CCNH: variants seen among roughly 807,000 people sequenced by gnomAD.
The protein encoded by CCNH is cyclin-H.
Under a neutral mutation model 41.9 loss-of-function variants are expected in CCNH, and 31 were observed. That is an observed-to-expected ratio of 0.74 (90% CI 0.56 to 1.00). The LOEUF (loss-of-function observed/expected upper bound fraction) is 1.00. CCNH is among the 50% of genes least tolerant of loss of function. The probability of loss-of-function intolerance (pLI) is 0.00; values close to 1 mark genes in which losing one functional copy is unlikely to be tolerated. For synonymous variants in CCNH, 138 were observed against 136.1 expected, an observed-to-expected ratio of 1.01 and a Z score of -0.10; for missense variants, 362 against 388.4, an observed-to-expected ratio of 0.93 and a Z score of 0.57.
At position 87,412,358 on chromosome 5, in the gene CCNH, T is replaced by C. The variant is rs1040485023; in HGVS notation, c.117+320A>G. ...TTCCCATTTTCTCCGCATTGGCTAC[T>C]GGGAAAAACCTTCCCCAACATCATC... is the stretch of plus-strand genomic sequence containing the variant. On this transcript the variant is annotated intron_variant, in intron 1 of 8. Transcript: ENST00000256897. 52 of 1,065,940 alleles carry C rather than the reference T, an allele frequency of 4.9e-5. 1 individual carries two copies. In the Middle Eastern group the frequency reaches 1.3e-3, roughly 26 times the overall value. 66.0% of individuals were successfully genotyped at this position (1,065,940 alleles called of 1,614,324 possible).
At chr5:87,412,412 C>G (rs1736775413) in intron 1 of CCNH, 6 of 1,239,598 alleles carry the variant, frequency 4.8e-6, no homozygotes, top group Non-Finnish European at 6.1e-6. Flanking sequence ...TCTTGCCACG[C>G]ACTACCTTAG....
chr5:87,393,678 T>A (rs996475311), downstream of CCNH: 2 of 152,162 alleles, frequency 1.3e-5, no homozygotes, highest in African/African-American at 4.8e-5. Context: ...ATAGGTTAAT[T>A]ATAAGGCTGT....
intron 1 of CCNH, among the ~76,000 whole-genome samples, chr5:87,411,802 T>A (rs3093780): frequency 5.7e-4 from 87 of 152,362 alleles, no homozygotes; most frequent in African/African-American, 2.1e-3. Flanking sequence ...GGTGATTTTT[T>A]TAAGGCAGCC....
intron 9 of CCNH, among the ~76,000 whole-genome samples, chr5:87,338,517 A>T (rs1251397203): frequency 5.0e-5 from 5 of 99,296 alleles, no homozygotes; most frequent in Middle Eastern, 5.3e-3. Flanking sequence ...ATATATATAT[A>T]TATATATATA....
At chr5:87,384,883 AAAT>A (rs1007390736) in intron 9 of CCNH, among the ~76,000 whole-genome samples, 9 of 152,086 alleles carry the variant, frequency 5.9e-5, no homozygotes, top group African/African-American at 2.2e-4. Context: ...TTTGGACTGC[AAAT>A]AATGTTGGGA....
rs189633489 is a variant in CCNH, at chr5:87,358,318, T to G, written c.*90+34452A>C. Among the ~76,000 whole-genome samples, 245 of 151,562 alleles carry G rather than the reference T, an allele frequency of 1.6e-3. 3 individuals carry two copies. The highest frequency in any genetic ancestry group is 7.1e-3 in the Admixed American group (108 of 15,284). ...TTTGAGCACTATATTTTAAGCACTG[T>G]TTTTTATACATATTCATTCATTTAA... On this transcript the variant is annotated intron_variant and NMD_transcript_variant, in intron 9 of 9. Transcript: ENST00000645953.
At chr5:87,329,803 C>T (rs1259276569) in intron 9 of CCNH, among the ~76,000 whole-genome samples, 2 of 151,982 alleles carry the variant, frequency 1.3e-5, no homozygotes, top group Non-Finnish European at 2.9e-5. Context: ...TAAGGATATC[C>T]CATATATTTT....
chr5:87,394,600 A>C, intron 8 of CCNH, 116 bp from the exon 9 acceptor site: 1 of 1,526,018 alleles, frequency 6.6e-7, no homozygotes, highest in Non-Finnish European at 8.8e-7. Flanking sequence ...ATTACAAAAG[A>C]TAAACCAGGA....
chr5:87,398,726 T>A (rs1763153648), intron 7 of CCNH, among the ~76,000 whole-genome samples: 1 of 152,014 alleles, frequency 6.6e-6, no homozygotes, highest in Non-Finnish European at 1.5e-5. Flanking sequence ...CTGAAAGAAG[T>A]ATGCCGGGAG....
At chr5:87,338,149 C>G (rs775998993) in intron 9 of CCNH, 1 of 1,604,404 alleles carries the variant, frequency 6.2e-7, no homozygotes, top group East Asian at 2.3e-5. Context: ...AAATTTGGAT[C>G]TTGTCCGTAA....
downstream of CCNH, among the ~76,000 whole-genome samples, chr5:87,388,030 T>C (rs1410590035): frequency 1.3e-5 from 2 of 152,226 alleles, no homozygotes; most frequent in East Asian, 3.8e-4. Context: ...ACCTCAATTA[T>C]TATCTCCTTC....
chr5:87,377,262 A>G, upstream of CCNH: 1 of 557,560 alleles, frequency 1.8e-6, no homozygotes, highest in Non-Finnish European at 3.2e-6. Flanking sequence ...GATAAGTACT[A>G]GAAGCCACAA....
chr5:87,333,205 C>T (rs1757722130), intron 9 of CCNH: 4 of 1,588,788 alleles, frequency 2.5e-6, no homozygotes, highest in Non-Finnish European at 3.4e-6. Flanking sequence ...GTGGATATAC[C>T]TCTTTTGACT....
rs1045126721 is a variant in CCNH at position 87,394,391 on chromosome 5, G to A, written c.*55C>T. ...ACTTTTTAAATAAAGTTAAACGTTT[G>A]ATATGCTTCCTACTTCTCTTGATTA... is the stretch of plus-strand genomic sequence containing the variant. On this transcript the variant is annotated 3_prime_UTR_variant, in exon 9 of 9. Transcript: ENST00000256897. The A allele has an allele frequency of 2.5e-6, 4 of 1,581,066 alleles. No homozygotes were observed. The highest frequency in any genetic ancestry group is 1.4e-5 in the African/African-American group (1 of 73,628).
chr5:87,347,152 T>C (rs1483848154), intron 9 of CCNH, among the ~76,000 whole-genome samples: 1 of 152,048 alleles, frequency 6.6e-6, no homozygotes, highest in African/African-American at 2.4e-5. Flanking sequence ...TTTAAACTTT[T>C]CATTATATAA....
downstream of CCNH, chr5:87,386,737 C>A: frequency 8.9e-7 from 1 of 1,121,940 alleles, no homozygotes; most frequent in Non-Finnish European, 1.4e-6. Flanking sequence ...GCAGTTTTTG[C>A]TGTTAACTGT....
chr5:87,381,877 C>G (rs1238551963), upstream of CCNH, among the ~76,000 whole-genome samples: 1 of 152,168 alleles, frequency 6.6e-6, no homozygotes, highest in Non-Finnish European at 1.5e-5. Flanking sequence ...CATAGACCTA[C>G]TATGTATAAT....
intron 6 of CCNH, among the ~76,000 whole-genome samples, chr5:87,400,977 G>C (rs546513395): frequency 6.6e-6 from 1 of 152,302 alleles, no homozygotes; most frequent in South Asian, 2.1e-4. Context: ...TTTTGGGCTG[G>C]ATAAGTCTTG....
chr5:87,338,657 C>CCA (rs1161676081), intron 9 of CCNH, among the ~76,000 whole-genome samples: 1 of 150,420 alleles, frequency 6.6e-6, no homozygotes, highest in African/African-American at 2.4e-5. Flanking sequence ...CAGGCATGAG[C>CCA]CACAGTGCCC....
Sources: allele counts gnomAD v4.1 joint callset (sites outside exome capture counted in the v4.1 genomes callset), GRCh38; gene constraint gnomAD v4.1.1; transcripts MANE v1.5; gene names NCBI Gene and HGNC (gene_info 2026-07-23, HGNC 2026-07-21).